The following KCNIP4 variants were observed in gnomAD, a reference collection of about 807,000 sequenced individuals.
The protein encoded by KCNIP4 is Kv channel-interacting protein 4.
Under a neutral mutation model 34.0 loss-of-function variants are expected in KCNIP4, and 12 were observed. The ratio of observed to expected loss-of-function variants is 0.35; its 90% CI spans 0.23 to 0.57. The LOEUF (loss-of-function observed/expected upper bound fraction) is 0.57, where lower values mean the gene tolerates loss of function less well. Ranked by LOEUF, KCNIP4 falls within the 20% of genes least tolerant of loss-of-function variation. The pLI, the probability that KCNIP4 is intolerant of heterozygous loss-of-function variation, is 0.83. For synonymous variants in KCNIP4, 124 were observed against 102.2 expected (o/e 1.21, Z -1.29); for missense variants, 238 against 311.7 (o/e 0.76, Z 1.78).
intron 1 of KCNIP4, among the ~76,000 whole-genome samples, chr4:21,777,280 T>C (rs1719246784): frequency 6.6e-6 from 1 of 152,154 alleles, no homozygotes. Flanking sequence ...TATAACAGTG[T>C]GAAAATAAAC....
At chr4:21,905,581 A>C (rs1727953436) in intron 1 of KCNIP4, among the ~76,000 whole-genome samples, 1 of 152,094 alleles carries the variant, frequency 6.6e-6, no homozygotes, top group Non-Finnish European at 1.5e-5. Flanking sequence ...ACTGGAAACC[A>C]TCATTCTCAG....
chr4:21,065,164 CT>C (rs1744238865), intron 1 of KCNIP4, among the ~76,000 whole-genome samples: 1 of 152,072 alleles, frequency 6.6e-6, no homozygotes, highest in Non-Finnish European at 1.5e-5. Context: ...ATTTTTTCTT[CT>C]TGGTTGACTT....
chr4:20,767,421 T>C (rs1190805673), intron 3 of KCNIP4: 1 of 152,086 alleles, frequency 6.6e-6, no homozygotes, highest in African/African-American at 2.4e-5. Flanking sequence ...GATGCTTACA[T>C]GGTATGTTTG....
intron 1 of KCNIP4, among the ~76,000 whole-genome samples, chr4:21,245,346 A>C (rs890458748): frequency 6.6e-6 from 1 of 152,182 alleles, no homozygotes; most frequent in African/African-American, 2.4e-5. Context: ...TTTCACACTT[A>C]GAAGAATTTT....
At chr4:20,897,233 C>T (rs1726643695) in intron 1 of KCNIP4, among the ~76,000 whole-genome samples, 1 of 152,098 alleles carries the variant, frequency 6.6e-6, no homozygotes, top group African/African-American at 2.4e-5. Flanking sequence ...CCACCCCCTC[C>T]AACCCACCGC....
At chr4:20,844,333 T>G (rs1008632983) in intron 3 of KCNIP4, among the ~76,000 whole-genome samples, 17 of 152,356 alleles carry the variant, frequency 1.1e-4, no homozygotes, top group African/African-American at 3.8e-4. Context: ...ATTTTAACTC[T>G]GTTCTTACCT....
At chr4:21,861,319 C>G (rs2109351165) in intron 1 of KCNIP4, among the ~76,000 whole-genome samples, 1 of 152,056 alleles carries the variant, frequency 6.6e-6, no homozygotes, top group East Asian at 1.9e-4. Context: ...CAAATTAAAC[C>G]TTGGAGTCAT....
At chr4:21,416,188 T>C (rs1724937913) in intron 1 of KCNIP4, among the ~76,000 whole-genome samples, 1 of 152,218 alleles carries the variant, frequency 6.6e-6, no homozygotes, top group South Asian at 2.1e-4. Flanking sequence ...TGTATTTAAT[T>C]CCTATAAATA....
At chr4:21,438,451 A>T (rs1453939296) in intron 1 of KCNIP4, among the ~76,000 whole-genome samples, 1 of 152,198 alleles carries the variant, frequency 6.6e-6, no homozygotes, top group East Asian at 1.9e-4. Context: ...ACTGTAACAG[A>T]TTCTTTCCTG....
intron 1 of KCNIP4, among the ~76,000 whole-genome samples, chr4:21,032,309 G>C (rs558621428): frequency 3.9e-5 from 6 of 152,174 alleles, no homozygotes; most frequent in African/African-American, 1.2e-4. Flanking sequence ...ATACCCAATG[G>C]GGGTGTTGTC....
At chr4:21,291,779 G>A (rs545809346) in intron 1 of KCNIP4, among the ~76,000 whole-genome samples, 5 of 150,998 alleles carry the variant, frequency 3.3e-5, no homozygotes, top group East Asian at 3.9e-4. Flanking sequence ...GCGTGAAGCC[G>A]GGAGGTGGAG....
At chr4:21,598,783 C>T (rs1194790923) in intron 1 of KCNIP4, among the ~76,000 whole-genome samples, 2 of 152,044 alleles carry the variant, frequency 1.3e-5, no homozygotes, top group East Asian at 1.9e-4. Context: ...CATTCATGCA[C>T]CAGTGGGGTC....
rs952481556 is a variant in KCNIP4, at chr4:21,303,096, T to C, written c.62-420387A>G. 3.3e-5 allele frequency among the ~76,000 whole-genome samples: 5 copies of C among 152,136 alleles called. No homozygotes were observed. The South Asian group carries it at 1.0e-3, about 32-fold the overall frequency. ...CTCAGATTCCCAGAGAAACATTTAA[T>C]TTAGGAAACAATAAGGACAAATACA... On this transcript the variant is annotated intron_variant, in intron 1 of 8. Coordinates refer to ENST00000382152, the MANE Select transcript of KCNIP4 (RefSeq NM_025221.6).
Position 20,885,828 on chromosome 4 carries a change from C to T in KCNIP4, c.62-3119G>A, listed in dbSNP as rs371238441. 2.0e-4 allele frequency among the ~76,000 whole-genome samples: 30 copies of T among 152,270 alleles called. No homozygotes were observed. In the South Asian group the frequency reaches 3.5e-3, roughly 18 times the overall value. On this transcript the variant is annotated intron_variant, in intron 1 of 8. Coordinates refer to ENST00000382152, the MANE Select transcript of KCNIP4 (RefSeq NM_025221.6). ...CACTTATTTGAGTATACCCTATTCC[C>T]TACTGTCTCAGGGCCTTTTCACATG...
At chr4:21,473,488 T>G (rs1357835428) in intron 1 of KCNIP4, among the ~76,000 whole-genome samples, 2 of 152,174 alleles carry the variant, frequency 1.3e-5, no homozygotes, top group South Asian at 2.1e-4. Context: ...TAAAAGAGTT[T>G]TTTTAAAAAA....
At chr4:21,209,923 GT>G (rs1757109643) in intron 1 of KCNIP4, among the ~76,000 whole-genome samples, 1 of 152,046 alleles carries the variant, frequency 6.6e-6, no homozygotes, top group Non-Finnish European at 1.5e-5. Flanking sequence ...TATTTTATCT[GT>G]TTTTGACTAT....
intron 2 of KCNIP4, among the ~76,000 whole-genome samples, chr4:20,879,587 T>C (rs948228743): frequency 6.6e-6 from 1 of 152,236 alleles, no homozygotes. Context: ...TGGTTCTTCA[T>C]GCAGAAAATC....
Position 21,272,330 on chromosome 4 carries a change from C to A in KCNIP4, c.62-389621G>T, listed in dbSNP as rs867463389. Among the ~76,000 whole-genome samples, 3 of 152,064 alleles carry A rather than the reference C, an allele frequency of 2.0e-5. No individual in the cohort carries two copies. In the South Asian group the frequency reaches 6.2e-4, roughly 32 times the overall value. On this transcript the variant is annotated intron_variant, in intron 1 of 8. Transcript: ENST00000382152. ...TTAGAGTTGGCTATTATTATTTATT[C>A]ATATATAAAAACAACACTAAATTAT... is the stretch of plus-strand genomic sequence containing the variant.
At chr4:21,881,657 C>T (rs1427835782) in intron 1 of KCNIP4, among the ~76,000 whole-genome samples, 1 of 152,128 alleles carries the variant, frequency 6.6e-6, no homozygotes, top group Non-Finnish European at 1.5e-5. Context: ...AGTAGTATAT[C>T]TGGGTTTGTG....
Sources: allele counts gnomAD v4.1 joint callset (sites outside exome capture counted in the v4.1 genomes callset), GRCh38; gene constraint gnomAD v4.1.1; transcripts MANE v1.5; gene names NCBI Gene and HGNC (gene_info 2026-07-23, HGNC 2026-07-21).